The following RARB variants were observed in gnomAD, a reference collection of about 807,000 sequenced individuals.
The protein encoded by RARB is HBV-activated protein.
A neutral mutation model predicts 51.9 loss-of-function variants in RARB; 17 were observed. That is an observed-to-expected ratio of 0.33 (90% CI 0.22 to 0.49). RARB has a LOEUF of 0.49. Ranked by LOEUF, RARB falls within the 20% of genes least tolerant of loss-of-function variation. The pLI is 0.99. For missense variants in RARB, 369 were observed against 550.8 expected (o/e 0.67, Z 3.30); for synonymous variants, 215 against 195.4 (o/e 1.10, Z -0.84).
intron 2 of RARB, among the ~76,000 whole-genome samples, chr3:25,043,954 G>T (rs1378621751): frequency 6.6e-6 from 1 of 152,112 alleles, no homozygotes; most frequent in Non-Finnish European, 1.5e-5. Flanking sequence ...TAGAAAGCAT[G>T]TGTGTGTGGA....
chr3:25,305,859 A>G (rs1310940311), intron 5 of RARB, among the ~76,000 whole-genome samples: 6 of 152,216 alleles, frequency 3.9e-5, no homozygotes, highest in Non-Finnish European at 7.3e-5. Context: ...GTAAAATGTA[A>G]GGGATTGGTT....
intron 3 of RARB, among the ~76,000 whole-genome samples, chr3:25,081,759 A>C (rs1559459632): frequency 6.9e-6 from 1 of 145,020 alleles, no homozygotes; most frequent in Non-Finnish European, 1.5e-5. Flanking sequence ...CAGCCTCCTG[A>C]GTAGCTGGGA....
intron 2 of RARB, among the ~76,000 whole-genome samples, chr3:24,895,808 G>C (rs1436195405): frequency 6.6e-6 from 1 of 152,020 alleles, no homozygotes; most frequent in Non-Finnish European, 1.5e-5. Flanking sequence ...GGAAAACAGG[G>C]CAGTTCATCA....
chr3:25,324,926 CAA>C (rs1704670852), intron 5 of RARB, among the ~76,000 whole-genome samples: 3 of 152,168 alleles, frequency 2.0e-5, no homozygotes, highest in African/African-American at 7.2e-5. Flanking sequence ...ATCCAGACCT[CAA>C]GAGAGCGTTC....
chr3:25,594,560 A>G lies in RARB; in HGVS notation c.1032A>G (p.Leu344=). 1 of 1,613,582 alleles carries G rather than the reference A, an allele frequency of 6.2e-7. No homozygotes were observed. The highest frequency in any genetic ancestry group is 8.5e-7 in the Non-Finnish European group (1 of 1,179,792). The change falls in exon 7 of 8, where the codon CTA becomes CTG. Residue 344 remains leucine, a synonymous_variant. Transcript: ENST00000330688. The stretch of plus-strand genomic sequence containing the variant: ...AGGAACCGACAAAAGTAGATAAGCT[A>G]CAAGAACCATTGCTGGAAGCACTAA... The part of the protein sequence containing the change: ...DLEEPTKVDK[L]QEPLLEALKI...
At chr3:25,262,491 C>T (rs1319312366) in intron 5 of RARB, among the ~76,000 whole-genome samples, 1 of 152,180 alleles carries the variant, frequency 6.6e-6, no homozygotes, top group African/African-American at 2.4e-5. Flanking sequence ...CAGCAGGGCT[C>T]GTTCCTTTCT....
chr3:24,889,805 G>T (rs1283796177), intron 2 of RARB, among the ~76,000 whole-genome samples: 1 of 149,426 alleles, frequency 6.7e-6, no homozygotes, highest in Non-Finnish European at 1.5e-5. Flanking sequence ...TGTGGTCCAA[G>T]ATATAAAAGG....
intron 2 of RARB, among the ~76,000 whole-genome samples, chr3:24,860,205 A>G (rs1702722974): frequency 6.6e-6 from 1 of 152,146 alleles, no homozygotes; most frequent in Non-Finnish European, 1.5e-5. Flanking sequence ...TTGTGGAAAA[A>G]GGGAGCAGTG....
At chr3:24,866,326 A>T (rs1056943947) in intron 2 of RARB, among the ~76,000 whole-genome samples, 81 of 151,942 alleles carry the variant, frequency 5.3e-4, no homozygotes, top group African/African-American at 1.9e-3. Flanking sequence ...CCTCAAATCC[A>T]CTCTACTCTC....
At chr3:25,437,430 G>C (rs1168701316) in intron 1 of RARB, among the ~76,000 whole-genome samples, 3 of 152,082 alleles carry the variant, frequency 2.0e-5, no homozygotes, top group Non-Finnish European at 1.5e-5. Flanking sequence ...ATGGCTCTTG[G>C]GTGTCTGCCA....
chr3:25,334,568 T>C (rs1705006032), intron 5 of RARB, among the ~76,000 whole-genome samples: 1 of 152,128 alleles, frequency 6.6e-6, no homozygotes, highest in Non-Finnish European at 1.5e-5. Flanking sequence ...TTAGGAGATA[T>C]ACCTAATGTA....
chr3:25,392,634 AT>A (rs1005119121), intron 5 of RARB, among the ~76,000 whole-genome samples: 1 of 150,680 alleles, frequency 6.6e-6, no homozygotes, highest in African/African-American at 2.4e-5. Context: ...TCCTATGTAT[AT>A]TTTTTTTCAC....
At chr3:24,899,361 G>C (rs1703547651) in intron 2 of RARB, among the ~76,000 whole-genome samples, 1 of 152,142 alleles carries the variant, frequency 6.6e-6, no homozygotes, top group African/African-American at 2.4e-5. Context: ...AGTGGATTCG[G>C]CAGCCTAGAA....
chr3:25,333,418 A>C lies in RARB; in HGVS notation c.179-127775A>C, dbSNP rs541317589. ...CTTTGACAAACCTGACAAAAACAAG[A>C]AATGGGGAAAGGATTCCCTATTTAA... On this transcript the variant is annotated intron_variant, in intron 5 of 11. Transcript: ENST00000383772. 8.0e-3 allele frequency among the ~76,000 whole-genome samples: 1,223 copies of C among 152,290 alleles called. 13 individuals are homozygous for C. Among genetic ancestry groups the C allele is most frequent in the African/African-American group, 0.026 (1,084 of 41,546 alleles).
chr3:25,535,421 T>C (rs1228442281), intron 3 of RARB, among the ~76,000 whole-genome samples: 1 of 151,762 alleles, frequency 6.6e-6, no homozygotes, highest in African/African-American at 2.4e-5. Flanking sequence ...CTTTTTTTTT[T>C]TTTTTATGCT....
intron 3 of RARB, among the ~76,000 whole-genome samples, chr3:25,113,625 G>C (rs1699639412): frequency 6.6e-6 from 1 of 152,088 alleles, no homozygotes; most frequent in Non-Finnish European, 1.5e-5. Context: ...AATCACCACT[G>C]AGTGCTAGCT....
chr3:25,374,250 G>C (rs2125474208), intron 5 of RARB, among the ~76,000 whole-genome samples: 1 of 152,102 alleles, frequency 6.6e-6, no homozygotes, highest in East Asian at 1.9e-4. Context: ...CCAGGAAAGA[G>C]CAAAAAACAG....
At chr3:25,552,115 G>A (rs1201689876) in intron 3 of RARB, among the ~76,000 whole-genome samples, 1 of 151,992 alleles carries the variant, frequency 6.6e-6, no homozygotes, top group African/African-American at 2.4e-5. Flanking sequence ...AATCATAGTT[G>A]ACCACGGGCC....
intron 5 of RARB, among the ~76,000 whole-genome samples, chr3:25,591,064 T>G (rs1701591973): frequency 6.6e-6 from 1 of 152,190 alleles, no homozygotes; most frequent in African/African-American, 2.4e-5. Context: ...GTCAACCAGT[T>G]GGGAAACCAG....
Sources: allele counts gnomAD v4.1 joint callset (sites outside exome capture counted in the v4.1 genomes callset), GRCh38; gene constraint gnomAD v4.1.1; transcripts MANE v1.5; gene names NCBI Gene and HGNC (gene_info 2026-07-23, HGNC 2026-07-21).